The following ULK4 variants were observed in gnomAD, a reference collection of about 807,000 sequenced individuals.
ULK4 encodes unc-51 like kinase 4, also known as inactive serine/threonine-protein kinase ULK4.
Under a neutral mutation model 160.6 loss-of-function variants are expected in ULK4, and 133 were observed. The ratio of observed to expected loss-of-function variants is 0.83; its 90% confidence interval spans 0.72 to 0.96. ULK4 has a LOEUF of 0.96. Among genes scored for constraint, ULK4 ranks in the 40% least tolerant of loss-of-function variants. The probability of loss-of-function intolerance (pLI) is 0.00; values close to 1 mark genes in which losing one functional copy is unlikely to be tolerated. For missense variants in ULK4, 1,580 were observed against 1,499.5 expected, an observed-to-expected ratio of 1.05 and a Z score of -0.89; for synonymous variants, 534 against 539.8, an observed-to-expected ratio of 0.99 and a Z score of 0.15.
intron 17 of ULK4, among the ~76,000 whole-genome samples, chr3:41,842,473 T>C (rs1001831980): frequency 7.2e-5 from 11 of 152,294 alleles, no homozygotes; most frequent in Middle Eastern, 3.4e-3. Context: ...GGCCTTGTGG[T>C]AGGTATTTGT....
rs200930035 is a variant in ULK4 at position 41,900,694 on chromosome 3, A to T, written c.1287+31T>A. On this transcript the variant is annotated intron_variant, in intron 13 of 36. Transcript: ENST00000301831. ...CAGATTTCAGATCTCAGTAAAGTCTACAACTCAGTTGTTAGAGTGTCTTTC... is the reference window on the plus strand; with the variant it reads ...CAGATTTCAGATCTCAGTAAAGTCTTCAACTCAGTTGTTAGAGTGTCTTTC... 2.0e-5 allele frequency: 30 copies of T among 1,534,814 alleles called. No individual in the cohort carries two copies. In the African/African-American group the frequency reaches 3.8e-4, roughly 19 times the overall value.
intron 27 of ULK4, among the ~76,000 whole-genome samples, chr3:41,687,100 C>A (rs552152157): frequency 6.6e-6 from 1 of 151,806 alleles, no homozygotes; most frequent in East Asian, 1.9e-4. Flanking sequence ...TTAGGCTGGG[C>A]GTAGTGGTTC....
chr3:41,513,096 T>C lies in ULK4; in HGVS notation c.3227-49843A>G, dbSNP rs1347417635. Among the ~76,000 whole-genome samples, 4 of 152,104 alleles carry C rather than the reference T, an allele frequency of 2.6e-5. No individual in the cohort carries two copies. In the East Asian group the frequency reaches 7.7e-4, roughly 29 times the overall value. ...GTGCTGGGATCACTGGCAAGCCCCA[T>C]GTAGAAGAATGGAAGTGAAATCTCA... On this transcript the variant is annotated intron_variant, in intron 32 of 36. Transcript: ENST00000301831.
At chr3:41,568,482 T>C (rs1462135323) in intron 31 of ULK4, among the ~76,000 whole-genome samples, 1 of 152,244 alleles carries the variant, frequency 6.6e-6, no homozygotes, top group East Asian at 1.9e-4. Flanking sequence ...CACCCTCTTC[T>C]GATTTTACTA....
chr3:41,342,321 A>G (rs2080703487), intron 35 of ULK4, among the ~76,000 whole-genome samples: 1 of 152,228 alleles, frequency 6.6e-6, no homozygotes, highest in Admixed American at 6.5e-5. Flanking sequence ...ACAGACTTGC[A>G]CTATAATCTA....
rs113134872 is a variant in ULK4 at position 41,432,126 on chromosome 3, A to G, written c.3492+23371T>C. Among the ~76,000 whole-genome samples the G allele has an allele frequency of 2.0e-3, 311 of 152,268 alleles. 5 individuals are homozygous for G. The South Asian group carries it at 0.038, about 18-fold the overall frequency. On this transcript the variant is annotated intron_variant, in intron 34 of 36. Transcript: ENST00000301831. ...GCTATTACGTGATTATCCCTGTTGA[A>G]AACAAGGCAACGACGGCTTCTACAG...
chr3:41,521,810 G>A (rs2085940184), intron 32 of ULK4, among the ~76,000 whole-genome samples: 1 of 152,168 alleles, frequency 6.6e-6, no homozygotes, highest in Non-Finnish European at 1.5e-5. Context: ...TATCCCTGGG[G>A]AGATTAAGAC....
In ULK4 at chr3:41,735,933, T is replaced by C. The variant is rs1488439651; in HGVS notation, c.2322-18072A>G. Among the ~76,000 whole-genome samples the C allele has an allele frequency of 1.2e-4, 17 of 144,432 alleles. 1 individual carries two copies. Among genetic ancestry groups the C allele is most frequent in the South Asian group, 8.9e-4 (4 of 4,502 alleles). The allele number at this position is 144,432 out of a possible 152,430, so 94.8% of individuals were successfully genotyped here. A position where few individuals can be genotyped will look rare whatever the true frequency, so the allele number is the denominator to read the frequency against. ...TTCAATTCCCACCTATGAGTGAGAA[T>C]ATGCGGTGTTTGGTTTTTTGTCCTT... is the stretch of plus-strand genomic sequence containing the variant. On this transcript the variant is annotated intron_variant, in intron 22 of 36. Transcript: ENST00000301831.
intron 17 of ULK4, among the ~76,000 whole-genome samples, chr3:41,839,477 T>C (rs544417359): frequency 6.7e-6 from 1 of 149,898 alleles, no homozygotes; most frequent in Admixed American, 6.7e-5. Context: ...AATTAAATTT[T>C]TTATTTCTAA....
At chr3:41,615,543 T>C (rs1439649304) in intron 31 of ULK4, 126 bp downstream of exon 31, 7 of 835,292 alleles carry the variant, frequency 8.4e-6, no homozygotes, top group Non-Finnish European at 1.3e-5. Flanking sequence ...AGGTTAAGTG[T>C]GATGATGATG....
intron 34 of ULK4, among the ~76,000 whole-genome samples, chr3:41,399,881 A>T (rs1383208157): frequency 1.3e-5 from 2 of 152,196 alleles, no homozygotes; most frequent in Non-Finnish European, 2.9e-5. Context: ...CTGAGAGTAC[A>T]GGCAAGAGCC....
At chr3:41,602,211 G>A (rs1427967608) in intron 31 of ULK4, among the ~76,000 whole-genome samples, 1 of 149,810 alleles carries the variant, frequency 6.7e-6, no homozygotes, top group Non-Finnish European at 1.5e-5. Flanking sequence ...GAAAGGGAAG[G>A]GAAGGAAGAG....
chr3:41,462,388 C>T (rs952151760), intron 33 of ULK4, among the ~76,000 whole-genome samples: 1 of 152,188 alleles, frequency 6.6e-6, no homozygotes, highest in African/African-American at 2.4e-5. Context: ...CACCTTGACC[C>T]TGTCACTTTC....
intron 17 of ULK4, among the ~76,000 whole-genome samples, chr3:41,847,631 C>T (rs1190200520): frequency 6.6e-6 from 1 of 152,140 alleles, no homozygotes; most frequent in Non-Finnish European, 1.5e-5. Flanking sequence ...ACCACTTTGC[C>T]CTTTGTTCTA....
chr3:41,360,800 C>T (rs973093015), intron 35 of ULK4, among the ~76,000 whole-genome samples: 1 of 152,054 alleles, frequency 6.6e-6, no homozygotes, highest in Non-Finnish European at 1.5e-5. Context: ...GTGCATCAGA[C>T]AGAACAGCCA....
At chr3:41,856,674 T>C (rs912840983) in intron 17 of ULK4, among the ~76,000 whole-genome samples, 11 of 147,144 alleles carry the variant, frequency 7.5e-5, no homozygotes, top group Non-Finnish European at 1.3e-4. Context: ...TCCAACAGGA[T>C]AGTCTTTCCA....
At chr3:41,825,659 T>C (rs1045208762) in intron 18 of ULK4, among the ~76,000 whole-genome samples, 3 of 152,158 alleles carry the variant, frequency 2.0e-5, no homozygotes, top group Non-Finnish European at 2.9e-5. Context: ...CGGGACTATG[T>C]GAAAAGGCCA....
intron 34 of ULK4, among the ~76,000 whole-genome samples, chr3:41,407,947 C>G (rs1020651067): frequency 4.0e-5 from 6 of 151,878 alleles, no homozygotes; most frequent in South Asian, 2.1e-4. Flanking sequence ...CCTAAGGAAC[C>G]CTTTAAAGAA....
chr3:41,856,553 ATATATATACACATATATATATGTG>A (rs1559611029), intron 17 of ULK4, among the ~76,000 whole-genome samples: 7,147 of 56,472 alleles, frequency 0.13, 488 homozygotes, highest in African/African-American at 0.33. Context: ...ATATATGTGT[ATATATATACACATATATATATGTG>A]TATATATATA....
Sources: allele counts gnomAD v4.1 joint callset (sites outside exome capture counted in the v4.1 genomes callset), GRCh38; gene constraint gnomAD v4.1.1; transcripts MANE v1.5; gene names NCBI Gene and HGNC (gene_info 2026-07-23, HGNC 2026-07-21).